Variants in RNF111 observed in about 807,000 individuals in gnomAD.
RNF111 encodes the protein E3 ubiquitin-protein ligase Arkadia.
Under a neutral mutation model 95.1 loss-of-function variants are expected in RNF111, and 17 were observed. The ratio of observed to expected loss-of-function variants is 0.18; its 90% CI spans 0.12 to 0.27. The LOEUF is 0.27. Ranked by LOEUF, RNF111 falls within the 10% of genes least tolerant of loss-of-function variation. The pLI is 1.00. For synonymous variants in RNF111, 440 were observed against 414.8 expected, an observed-to-expected ratio of 1.06 and a Z score of -0.74; for missense variants, 1,189 against 1,210.4, an observed-to-expected ratio of 0.98 and a Z score of 0.26.
intron 1 of RNF111, among the ~76,000 whole-genome samples, chr15:59,024,804 C>T (rs1482075886): frequency 6.6e-6 from 1 of 152,168 alleles, no homozygotes; most frequent in African/African-American, 2.4e-5. Context: ...GACTGAAACT[C>T]AGTAACTGTT....
Position 59,011,528 on chromosome 15 carries a change from G to C in RNF111, c.-19-19276G>C, listed in dbSNP as rs529698804. Among the ~76,000 whole-genome samples, 15 of 152,246 alleles carry C rather than the reference G, an allele frequency of 9.9e-5. No individual in the cohort carries two copies. In the East Asian group the frequency reaches 1.3e-3, roughly 14 times the overall value. ...AACCACAAAACTTTACTTACTCCTA[G>C]TTCTGTAGAGTGTAAGTCCAGTATT... On this transcript the variant is annotated intron_variant, in intron 1 of 13. Coordinates refer to ENST00000348370, the MANE Select transcript of RNF111 (RefSeq NM_017610.8).
chr15:59,071,008 G>A lies in RNF111; in HGVS notation c.1686+3925G>A, dbSNP rs116763896. Among the ~76,000 whole-genome samples the A allele has an allele frequency of 4.5e-3, 680 of 152,194 alleles. 6 individuals carry two copies. The highest frequency in any genetic ancestry group is 0.041 in the Middle Eastern group (12 of 292). ...GCAGTAGGTTTGTATTCAAGAATACGAAGAAGTGGCCGGGCGCGGTGGCTC... is the reference window on the plus strand; with the variant it reads ...GCAGTAGGTTTGTATTCAAGAATACAAAGAAGTGGCCGGGCGCGGTGGCTC... On this transcript the variant is annotated intron_variant, in intron 6 of 13. Transcript: ENST00000348370.
intron 1 of RNF111, among the ~76,000 whole-genome samples, chr15:59,027,200 T>G (rs1279423084): frequency 6.6e-6 from 1 of 152,174 alleles, no homozygotes; most frequent in African/African-American, 2.4e-5. Context: ...GTCTAATTTT[T>G]AAATCTTCAG....
rs1352069163 is a variant in RNF111 at position 58,995,476 on chromosome 15, T to TC, written c.-20+7408_-20+7409insC. Reference sequence around the variant, plus strand: ...TAACATAACCTCTTGTTTTTTTTTTTTGACGGAGTCTCACTCTTGTCTCCC... The same window carrying TC: ...TAACATAACCTCTTGTTTTTTTTTTTCTGACGGAGTCTCACTCTTGTCTCCC... On this transcript the variant is annotated intron_variant, in intron 1 of 13. Transcript: ENST00000348370. Among the ~76,000 whole-genome samples, 7 of 151,850 alleles carry TC rather than the reference T, an allele frequency of 4.6e-5. No homozygotes were observed. The East Asian group carries it at 1.4e-3, about 29-fold the overall frequency.
intron 1 of RNF111, among the ~76,000 whole-genome samples, chr15:59,023,822 A>G (rs942608991): frequency 6.6e-5 from 10 of 152,126 alleles, no homozygotes; most frequent in African/African-American, 2.2e-4. Flanking sequence ...CAAACAAACC[A>G]TGTCTGTGAG....
At chr15:59,013,322 A>C (rs1371238810) in intron 1 of RNF111, among the ~76,000 whole-genome samples, 1 of 152,212 alleles carries the variant, frequency 6.6e-6, no homozygotes, top group East Asian at 1.9e-4. Context: ...TAAGAGACCC[A>C]CATTGATACA....
intron 13 of RNF111, chr15:59,093,629 G>T: frequency 1.9e-5 from 4 of 206,644 alleles, no homozygotes; most frequent in South Asian, 1.2e-4. Context: ...ATTAATTTTA[G>T]GCATTTTCTT....
In RNF111 at chr15:59,096,240, G is replaced by C; in HGVS notation, c.*1340G>C. The C allele has an allele frequency of 2.5e-6, 1 of 394,292 alleles. No individual in the cohort carries two copies. The highest frequency in any genetic ancestry group is 4.5e-6 in the Non-Finnish European group (1 of 223,532). 24.4% of individuals were successfully genotyped at this position (394,292 alleles called of 1,614,324 possible). On this transcript the variant is annotated 3_prime_UTR_variant, in exon 14 of 14. Transcript: ENST00000348370. ...TATTATCAAGATACTTTCATATACA[G>C]GATAGCCTAATTTTATTTGTTTAAA...
At chr15:59,007,503 A>G (rs1283465684) in intron 1 of RNF111, among the ~76,000 whole-genome samples, 1 of 152,218 alleles carries the variant, frequency 6.6e-6, no homozygotes, top group African/African-American at 2.4e-5. Context: ...ATTTTTGGCT[A>G]TTATGAGTAA....
chr15:59,026,146 C>T (rs996143164), intron 1 of RNF111, among the ~76,000 whole-genome samples: 1 of 151,864 alleles, frequency 6.6e-6, no homozygotes, highest in Non-Finnish European at 1.5e-5. Context: ...AAGCATCATA[C>T]CAATAATAGT....
At position 58,990,459 on chromosome 15, in the gene RNF111, G is replaced by A. The variant is rs376462759; in HGVS notation, c.-20+2391G>A. Among the ~76,000 whole-genome samples the A allele has an allele frequency of 2.4e-4, 36 of 152,186 alleles. No individual in the cohort carries two copies. In the East Asian group the frequency reaches 6.0e-3, roughly 25 times the overall value. On this transcript the variant is annotated intron_variant, in intron 1 of 13. Transcript: ENST00000348370. ...CGAATCACTTGAGGTGACCAGTCTG[G>A]CCAAAATGGTGAAACCCCATCTCTA...
chr15:59,096,623 A>G lies in RNF111; in HGVS notation c.*1723A>G, dbSNP rs1409444464. The G allele has an allele frequency of 6.6e-6, 1 of 152,328 alleles. No individual in the cohort carries two copies. Among genetic ancestry groups the G allele is most frequent in the African/African-American group, 2.4e-5 (1 of 41,458 alleles). The allele number at this position is 152,328 out of a possible 1,614,324, so 9.4% of individuals were successfully genotyped here. ...GTTGTCAATGTTAACAGGCTTCAAC[A>G]TAGTATGTGTGCAGATGGACGATGG... On this transcript the variant is annotated 3_prime_UTR_variant, in exon 14 of 14. Coordinates refer to ENST00000348370, the MANE Select transcript of RNF111 (RefSeq NM_017610.8).
chr15:59,023,951 A>G (rs1358291924), intron 1 of RNF111, among the ~76,000 whole-genome samples: 1 of 152,300 alleles, frequency 6.6e-6, no homozygotes, highest in Non-Finnish European at 1.5e-5. Context: ...TTCCTATTTA[A>G]TATTTCCTAT....
intron 1 of RNF111, among the ~76,000 whole-genome samples, chr15:58,998,489 T>A (rs1324282416): frequency 6.6e-6 from 1 of 152,222 alleles, no homozygotes; most frequent in East Asian, 1.9e-4. Context: ...GGTCTTCCAT[T>A]GCATACCAAA....
chr15:59,017,100 CAA>C (rs1383846800), intron 1 of RNF111, among the ~76,000 whole-genome samples: 1 of 151,960 alleles, frequency 6.6e-6, no homozygotes, highest in African/African-American at 2.4e-5. Context: ...ATAATAGAAA[CAA>C]AGTGCACAAT....
chr15:58,992,334 C>T (rs983156270), intron 1 of RNF111, among the ~76,000 whole-genome samples: 2 of 152,054 alleles, frequency 1.3e-5, no homozygotes, highest in African/African-American at 2.4e-5. Context: ...CGTGGGCCAC[C>T]GTGCCCAGCA....
chr15:59,044,202 T>G (rs1262323666), intron 2 of RNF111, among the ~76,000 whole-genome samples: 1 of 152,192 alleles, frequency 6.6e-6, no homozygotes, highest in Non-Finnish European at 1.5e-5. Context: ...AGCTCATTTT[T>G]GTATTATTAA....
At chr15:58,991,185 G>A (rs1336579714) in intron 1 of RNF111, among the ~76,000 whole-genome samples, 1 of 151,892 alleles carries the variant, frequency 6.6e-6, no homozygotes, top group Non-Finnish European at 1.5e-5. Flanking sequence ...CTGTAATCCT[G>A]GCTGCTCAAG....
chr15:59,034,788 T>C (rs2041089873), intron 2 of RNF111, among the ~76,000 whole-genome samples: 1 of 152,222 alleles, frequency 6.6e-6, no homozygotes. Context: ...TCAGGCTTTC[T>C]GGATAGAGTT....
Sources: allele counts gnomAD v4.1 joint callset (sites outside exome capture counted in the v4.1 genomes callset), GRCh38; gene constraint gnomAD v4.1.1; transcripts MANE v1.5; gene names NCBI Gene and HGNC (gene_info 2026-07-23, HGNC 2026-07-21).